Variants in DPEP1 observed in about 807,000 individuals in gnomAD.
DPEP1 encodes dipeptidase 1.
Under a neutral mutation model 42.3 loss-of-function variants are expected in DPEP1, and 50 were observed. The observed-to-expected ratio is 1.18, with a 90% CI of 0.94 to 1.50. The LOEUF (loss-of-function observed/expected upper bound fraction) is 1.50, where lower values mean the gene tolerates loss of function less well. Among genes scored for constraint, DPEP1 ranks in the 40% most tolerant of loss-of-function variants. The pLI is 0.00. For missense variants in DPEP1, 663 were observed against 553.0 expected (o/e 1.20, Z -1.99); for synonymous variants, 297 against 234.0 (o/e 1.27, Z -2.46).
At chr16:89,624,340 G>T (rs559613304) in intron 1 of DPEP1, among the ~76,000 whole-genome samples, 1 of 152,226 alleles carries the variant, frequency 6.6e-6, no homozygotes, top group Admixed American at 6.5e-5. Context: ...CGGCAGAAGG[G>T]GAGGGAGCAG....
intron 1 of DPEP1, among the ~76,000 whole-genome samples, chr16:89,616,616 C>G (rs1016956664): frequency 8.5e-5 from 13 of 152,162 alleles, no homozygotes; most frequent in African/African-American, 3.1e-4. Context: ...TCCCGGGTGG[C>G]TTAAAGAGGT....
At position 89,624,434 on chromosome 16, in the gene DPEP1, C is replaced by T. The variant is rs537008395; in HGVS notation, c.-106-5871C>T. On this transcript the variant is annotated intron_variant, in intron 1 of 10. Coordinates refer to ENST00000690203, the MANE Select transcript of DPEP1 (RefSeq NM_001389466.1). ...GAAGTGGACAAAACGTGCAAAGTAA[C>T]GAACAAAACACGGAAAGAAAGCAGC... Among the ~76,000 whole-genome samples, 45 of 152,028 alleles carry T rather than the reference C, an allele frequency of 3.0e-4. 1 individual carries two copies. The Middle Eastern group carries it at 0.014, about 46-fold the overall frequency.
At chr16:89,629,737 A>G (rs1239485512) in intron 1 of DPEP1, among the ~76,000 whole-genome samples, 1 of 152,180 alleles carries the variant, frequency 6.6e-6, no homozygotes, top group Non-Finnish European at 1.5e-5. Flanking sequence ...GGACGTGTCT[A>G]GCTGCTTGGC....
intron 6 of DPEP1, 92 bp downstream of exon 6, chr16:89,637,027 C>T (rs1317323656): frequency 1.9e-6 from 3 of 1,557,264 alleles, no homozygotes; most frequent in East Asian, 2.3e-5. Flanking sequence ...CGTGGGACCT[C>T]AGTGTCCTTG....
chr16:89,639,575 C>G (rs1453639732), downstream of DPEP1, among the ~76,000 whole-genome samples: 1 of 144,480 alleles, frequency 6.9e-6, no homozygotes, highest in Non-Finnish European at 1.5e-5. Flanking sequence ...ACACACCCCA[C>G]AACCCTGCAC....
chr16:89,625,271 T>C (rs1053269236), intron 1 of DPEP1, among the ~76,000 whole-genome samples: 3 of 152,136 alleles, frequency 2.0e-5, no homozygotes, highest in Non-Finnish European at 4.4e-5. Context: ...CTAAGTTCCC[T>C]GCCCCCAGAC....
At chr16:89,622,739 G>A (rs1334833747) in intron 1 of DPEP1, among the ~76,000 whole-genome samples, 8 of 150,980 alleles carry the variant, frequency 5.3e-5, no homozygotes, top group African/African-American at 1.2e-4. Context: ...AGCCGAGATC[G>A]CGCCATTGCA....
At chr16:89,631,965 G>C (rs1379329366) in intron 2 of DPEP1, among the ~76,000 whole-genome samples, 1 of 152,152 alleles carries the variant, frequency 6.6e-6, no homozygotes, top group African/African-American at 2.4e-5. Context: ...CCTCACATCT[G>C]TATGCTGGCC....
chr16:89,637,158 C>T, intron 6 of DPEP1, 46 bp from the exon 7 acceptor site: 1 of 1,592,208 alleles, frequency 6.3e-7, no homozygotes, highest in Non-Finnish European at 8.6e-7. Flanking sequence ...CCTCCGCAGC[C>T]CCGACCCTGG....
intron 1 of DPEP1, among the ~76,000 whole-genome samples, chr16:89,624,911 C>G (rs774609625): frequency 2.0e-5 from 3 of 152,164 alleles, no homozygotes; most frequent in South Asian, 2.1e-4. Flanking sequence ...CGTGGCTAAT[C>G]AAAGGCTGAG....
intron 1 of DPEP1, among the ~76,000 whole-genome samples, chr16:89,623,978 C>A (rs1373843555): frequency 6.6e-6 from 1 of 152,134 alleles, no homozygotes; most frequent in Non-Finnish European, 1.5e-5. Context: ...TGCCCACACA[C>A]AGCCGGGCCC....
chr16:89,641,038 G>C (rs199786269), downstream of DPEP1, among the ~76,000 whole-genome samples: 4 of 152,330 alleles, frequency 2.6e-5, no homozygotes, highest in East Asian at 5.8e-4. Flanking sequence ...CGGAGAGAGA[G>C]AGAGGACAGC....
At chr16:89,638,005 C>T (rs1180286536) in intron 10 of DPEP1, 34 bp downstream of exon 10, 3 of 1,608,744 alleles carry the variant, frequency 1.9e-6, no homozygotes, top group Non-Finnish European at 2.5e-6. Flanking sequence ...GTCTCCCCCA[C>T]CACCACCAGC....
At chr16:89,625,148 C>T (rs1021599322) in intron 1 of DPEP1, among the ~76,000 whole-genome samples, 7 of 152,022 alleles carry the variant, frequency 4.6e-5, no homozygotes, top group Admixed American at 3.9e-4. Flanking sequence ...GCTTTGGCCT[C>T]GGACTCTCTC....
At chr16:89,617,485 A>G (rs2059390324) in intron 1 of DPEP1, among the ~76,000 whole-genome samples, 1 of 152,224 alleles carries the variant, frequency 6.6e-6, no homozygotes, top group African/African-American at 2.4e-5. Context: ...TCTCCAGGCC[A>G]TCTGGTCAAC....
chr16:89,629,371 G>T (rs943653162), intron 1 of DPEP1, among the ~76,000 whole-genome samples: 46 of 152,064 alleles, frequency 3.0e-4, no homozygotes, highest in African/African-American at 1.1e-3. Context: ...ACGTGGTGGT[G>T]CACGCCTGTG....
intron 2 of DPEP1, among the ~76,000 whole-genome samples, chr16:89,635,423 A>AT (rs1478666856): frequency 1.3e-5 from 2 of 152,280 alleles, no homozygotes; most frequent in South Asian, 4.1e-4. Flanking sequence ...CCCCAGGAGG[A>AT]TGGGGGTCCC....
At chr16:89,614,411 G>A (rs564266229) in intron 1 of DPEP1, among the ~76,000 whole-genome samples, 41 of 152,298 alleles carry the variant, frequency 2.7e-4, no homozygotes, top group Non-Finnish European at 5.4e-4. Context: ...AATTCTCTGC[G>A]CAGTCATCTG....
In DPEP1 at chr16:89,632,244, G is replaced by A. The variant is rs1216361995; in HGVS notation, c.104+1730G>A. On this transcript the variant is annotated intron_variant, in intron 2 of 10. Coordinates refer to ENST00000690203, the MANE Select transcript of DPEP1 (RefSeq NM_001389466.1). ...TTTTTGGTATTTTTAGTAGAGACAG[G>A]GTTTCACCATGTTGGCCAGGCTGGT... 2.0e-5 allele frequency among the ~76,000 whole-genome samples: 3 copies of A among 152,096 alleles called. No individual in the cohort carries two copies. The East Asian group carries it at 5.8e-4, about 29-fold the overall frequency.
Sources: gnomAD v4.1 joint callset for allele counts (sites outside exome capture counted in the v4.1 genomes callset) on GRCh38, gnomAD v4.1.1 for gene constraint, MANE v1.5 for transcripts, NCBI Gene and HGNC (gene_info 2026-07-23, HGNC 2026-07-21) for gene names.